Variants in MRTFA observed in about 807,000 individuals in gnomAD.
The protein encoded by MRTFA is myocardin-related transcription factor A.
Under a neutral mutation model 83.5 loss-of-function variants are expected in MRTFA, and 20 were observed. The ratio of observed to expected loss-of-function variants is 0.24; its 90% CI spans 0.17 to 0.35. The LOEUF (loss-of-function observed/expected upper bound fraction) is 0.35. Ranked by LOEUF, MRTFA falls within the 10% of genes least tolerant of loss-of-function variation. The pLI is 1.00. For synonymous variants in MRTFA, 659 were observed against 541.2 expected (o/e 1.22, Z -3.02); for missense variants, 1,200 against 1,224.7 (o/e 0.98, Z 0.30).
chr22:40,633,975 T>C (rs1350480257), intron 1 of MRTFA, among the ~76,000 whole-genome samples: 3 of 152,220 alleles, frequency 2.0e-5, no homozygotes, highest in African/African-American at 7.2e-5. Context: ...TTGCAGCCTA[T>C]TTCCCTATCC....
intron 1 of MRTFA, among the ~76,000 whole-genome samples, chr22:40,629,029 C>A (rs1367892100): frequency 6.6e-6 from 1 of 151,846 alleles, no homozygotes; most frequent in Non-Finnish European, 1.5e-5. Context: ...GTGGCTCACA[C>A]CTGTAATCCC....
intron 1 of MRTFA, among the ~76,000 whole-genome samples, chr22:40,608,933 T>C (rs896128087): frequency 6.6e-6 from 1 of 152,134 alleles, no homozygotes; most frequent in African/African-American, 2.4e-5. Flanking sequence ...ATGACTGTTA[T>C]CAAATAAACA....
intron 10 of MRTFA, 88 bp from the exon 11 acceptor site, chr22:40,420,664 T>C (rs1602212566): frequency 1.3e-6 from 2 of 1,558,906 alleles, no homozygotes; most frequent in East Asian, 4.5e-5. Context: ...CAGGATTGGG[T>C]ACAGATGGGC....
At chr22:40,485,732 G>A (rs554143747) in intron 3 of MRTFA, among the ~76,000 whole-genome samples, 6 of 152,246 alleles carry the variant, frequency 3.9e-5, no homozygotes, top group East Asian at 3.9e-4. Context: ...GGAGAACTGC[G>A]GAATCTCAAA....
intron 3 of MRTFA, among the ~76,000 whole-genome samples, chr22:40,463,755 T>C (rs544900204): frequency 9.2e-5 from 14 of 152,340 alleles, no homozygotes; most frequent in Non-Finnish European, 7.3e-5. Context: ...ACTCTTTTTC[T>C]TTTGTATCTA....
chr22:40,542,089 T>G (rs2055300453), intron 3 of MRTFA, among the ~76,000 whole-genome samples: 1 of 152,228 alleles, frequency 6.6e-6, no homozygotes, highest in Admixed American at 6.5e-5. Flanking sequence ...TCATACTTTA[T>G]GTCTGAAATA....
chr22:40,547,203 C>T (rs2055378246), intron 3 of MRTFA, among the ~76,000 whole-genome samples: 1 of 151,678 alleles, frequency 6.6e-6, no homozygotes, highest in Non-Finnish European at 1.5e-5. Flanking sequence ...TTATTGAGTG[C>T]CTATTATGAT....
At chr22:40,436,900 T>C (rs917363061) in intron 4 of MRTFA, among the ~76,000 whole-genome samples, 3 of 152,184 alleles carry the variant, frequency 2.0e-5, no homozygotes, top group African/African-American at 4.8e-5. Context: ...TAGGACCCTA[T>C]CCTGCCTGGG....
chr22:40,520,248 C>T (rs1468268718), intron 3 of MRTFA, among the ~76,000 whole-genome samples: 3 of 152,136 alleles, frequency 2.0e-5, no homozygotes, highest in African/African-American at 7.2e-5. Context: ...CATAGTTTAT[C>T]GCAACTAATT....
intron 1 of MRTFA, among the ~76,000 whole-genome samples, chr22:40,600,983 C>A (rs1256015354): frequency 6.6e-6 from 1 of 152,004 alleles, no homozygotes; most frequent in East Asian, 1.9e-4. Flanking sequence ...TCAAAAAAAG[C>A]AAAACAAAAC....
intron 3 of MRTFA, among the ~76,000 whole-genome samples, chr22:40,504,842 C>A (rs929531533): frequency 2.3e-4 from 35 of 152,280 alleles, no homozygotes; most frequent in African/African-American, 8.4e-4. Context: ...AGTCCCGCCA[C>A]CCCTTCATGT....
At chr22:40,604,761 A>G (rs1290838528) in intron 1 of MRTFA, among the ~76,000 whole-genome samples, 1 of 152,054 alleles carries the variant, frequency 6.6e-6, no homozygotes, top group African/African-American at 2.4e-5. Flanking sequence ...AAGGAAAAAA[A>G]AGAGATACCT....
chr22:40,607,811 C>T (rs906631625), intron 1 of MRTFA, among the ~76,000 whole-genome samples: 2 of 152,130 alleles, frequency 1.3e-5, no homozygotes, highest in Non-Finnish European at 2.9e-5. Flanking sequence ...TTCAACTGTT[C>T]CAATTGTTTA....
chr22:40,417,270 GC>G lies in MRTFA; in HGVS notation c.2517+70del. On this transcript the variant is annotated intron_variant, in intron 13 of 14. Transcript: ENST00000355630. Reference sequence around the variant, plus strand: ...CCTGCCCCCTATTCCTCCGGGTGGGGCTGTAGGAGCCTCAGCCCAGCAGCCT... The same window carrying G: ...CCTGCCCCCTATTCCTCCGGGTGGGGTGTAGGAGCCTCAGCCCAGCAGCCT... 7 of 1,557,798 alleles carry G rather than the reference GC, an allele frequency of 4.5e-6. No homozygotes were observed. The South Asian group carries it at 8.2e-5, about 18-fold the overall frequency.
chr22:40,606,242 GA>G (rs2056317654), intron 1 of MRTFA, among the ~76,000 whole-genome samples: 1 of 152,104 alleles, frequency 6.6e-6, no homozygotes, highest in Non-Finnish European at 1.5e-5. Flanking sequence ...AATTGATAAG[GA>G]AAGGAAAATA....
At chr22:40,610,479 T>C (rs1348441007) in intron 1 of MRTFA, among the ~76,000 whole-genome samples, 1 of 152,176 alleles carries the variant, frequency 6.6e-6, no homozygotes, top group African/African-American at 2.4e-5. Flanking sequence ...ATTGCTGCTG[T>C]AGGAACTGCC....
chr22:40,455,074 G>A (rs568516864), intron 4 of MRTFA, among the ~76,000 whole-genome samples: 7 of 152,278 alleles, frequency 4.6e-5, no homozygotes, highest in Non-Finnish European at 8.8e-5. Context: ...TGCTGGGACT[G>A]CAAATGTGAG....
chr22:40,590,503 C>CCA (rs2056104227), intron 2 of MRTFA, among the ~76,000 whole-genome samples: 2 of 151,444 alleles, frequency 1.3e-5, no homozygotes, highest in East Asian at 2.0e-4. Flanking sequence ...CCCGTCTCTA[C>CCA]TAAAAATACA....
intron 2 of MRTFA, among the ~76,000 whole-genome samples, chr22:40,589,222 C>A (rs2056079867): frequency 6.6e-6 from 1 of 152,020 alleles, no homozygotes; most frequent in African/African-American, 2.4e-5. Context: ...TTTCCTTGAG[C>A]AACATCTATG....
Sources: allele counts gnomAD v4.1 joint callset (sites outside exome capture counted in the v4.1 genomes callset), GRCh38; gene constraint gnomAD v4.1.1; transcripts MANE v1.5; gene names NCBI Gene and HGNC (gene_info 2026-07-23, HGNC 2026-07-21).